The following GTF2H1 variants were observed in gnomAD, a reference collection of about 807,000 sequenced individuals.
The protein encoded by GTF2H1 is BTF2 p62.
Under a neutral mutation model 71.2 loss-of-function variants are expected in GTF2H1, and 16 were observed. The ratio of observed to expected loss-of-function variants is 0.22; its 90% CI spans 0.15 to 0.34. The LOEUF is 0.34. Ranked by LOEUF, GTF2H1 falls within the 10% of genes least tolerant of loss-of-function variation. GTF2H1 has a pLI of 1.00. For missense variants in GTF2H1, 498 were observed against 648.2 expected (o/e 0.77, Z 2.52); for synonymous variants, 215 against 219.0 (o/e 0.98, Z 0.16).
At chr11:18,336,029 C>T (rs1197213528) in intron 3 of GTF2H1, 83 bp downstream of exon 3, 1 of 945,588 alleles carries the variant, frequency 1.1e-6, no homozygotes, top group East Asian at 2.8e-5. Context: ...TTAGCTATCC[C>T]CACGTTTTTT....
rs1049685470 is a variant in GTF2H1 at position 18,343,914 on chromosome 11, A to G, written c.837+2307A>G. 3.9e-5 allele frequency among the ~76,000 whole-genome samples: 6 copies of G among 152,162 alleles called. No homozygotes were observed. In the South Asian group the frequency reaches 6.2e-4, roughly 16 times the overall value. ...AGTGGCACAATCATGGCTCACTGCAATCTTGACCTCTTGGGCTCAAGCAAT... is the reference window on the plus strand; with the variant it reads ...AGTGGCACAATCATGGCTCACTGCAGTCTTGACCTCTTGGGCTCAAGCAAT... On this transcript the variant is annotated intron_variant, in intron 7 of 14. Coordinates refer to ENST00000265963, the MANE Select transcript of GTF2H1 (RefSeq NM_005316.4).
Position 18,341,320 on chromosome 11 carries a change from C to G in GTF2H1, c.667C>G (p.Arg223Gly). Residue 223 changes from arginine (R) to glycine (G), a missense_variant, in exon 6 of 15, where the codon CGT (arginine) becomes GGT (glycine). Physicochemically the swap from Arg to Gly is moderately radical, Grantham distance 125 (BLOSUM62 -2). This residue lies in a region of GTF2H1 where 216 missense variants were observed against 306.2 expected (regional missense o/e 0.71). Transcript: ENST00000265963. ...HNMTEKEFWT[R>G]FFQSHYFHRD... ...CATGACAGAGAAGGAATTCTGGACA[C>G]GTTTTTTCCAGTCCCATTATTTTCA... 1 of 1,613,632 alleles carries G rather than the reference C, an allele frequency of 6.2e-7. No homozygotes were observed. Among genetic ancestry groups the G allele is most frequent in the East Asian group, 2.2e-5 (1 of 44,850 alleles).
chr11:18,357,452 C>T (rs1235983621), intron 11 of GTF2H1, among the ~76,000 whole-genome samples: 1 of 152,054 alleles, frequency 6.6e-6, no homozygotes, highest in African/African-American at 2.4e-5. Context: ...GGAGTACACA[C>T]CTGTAGTCTG....
intron 1 of GTF2H1, among the ~76,000 whole-genome samples, chr11:18,323,154 C>T (rs1012816722): frequency 6.6e-6 from 1 of 152,192 alleles, no homozygotes; most frequent in African/African-American, 2.4e-5. Flanking sequence ...AAAACCTTAA[C>T]ACGTGCCAGT....
chr11:18,337,037 C>T (rs772901030), intron 3 of GTF2H1, among the ~76,000 whole-genome samples: 2 of 152,160 alleles, frequency 1.3e-5, no homozygotes, highest in African/African-American at 4.8e-5. Context: ...AGGTGTGAAC[C>T]GCCACACCTG....
At chr11:18,342,926 T>C (rs902040102) in intron 7 of GTF2H1, among the ~76,000 whole-genome samples, 4 of 152,244 alleles carry the variant, frequency 2.6e-5, no homozygotes, top group Middle Eastern at 3.4e-3. Context: ...TTGTTTTGTT[T>C]TGTTCTGTTT....
rs75644482 is a variant in GTF2H1, at chr11:18,345,796, G to GTCTTTTTTTTTTTTTTT, written c.838-1791_838-1790insCTTTTTTTTTTTTTTTT. On this transcript the variant is annotated intron_variant, in intron 7 of 14. Transcript: ENST00000265963. ...GAGCCACCACACCCAGCACATATGA[G>GTCTTTTTTTTTTTTTTT]TTTTTTTTTTTTTGAGACGGAGTCT... Among the ~76,000 whole-genome samples, 2 of 125,218 alleles carry GTCTTTTTTTTTTTTTTT rather than the reference G, an allele frequency of 1.6e-5. 1 individual carries two copies. 82.1% of individuals were successfully genotyped at this position (125,218 alleles called of 152,430 possible).
Position 18,326,922 on chromosome 11 carries a change from G to C in GTF2H1, c.-16+4182G>C, listed in dbSNP as rs57223828. 7.0e-3 allele frequency among the ~76,000 whole-genome samples: 1,068 copies of C among 152,054 alleles called. 14 individuals carry two copies. Among genetic ancestry groups the C allele is most frequent in the African/African-American group, 0.024 (1,010 of 41,460 alleles). On this transcript the variant is annotated intron_variant, in intron 1 of 14. Coordinates refer to ENST00000265963, the MANE Select transcript of GTF2H1 (RefSeq NM_005316.4). Reference sequence around the variant, plus strand: ...GCAGTCCAGTTTCATATTCTACAGAGTGGGCTTTTTAAAATATGTTCTCTA... The same window carrying C: ...GCAGTCCAGTTTCATATTCTACAGACTGGGCTTTTTAAAATATGTTCTCTA...
rs183002376 is a variant in GTF2H1, at chr11:18,324,515, C to T, written c.-16+1775C>T. 2.1e-3 allele frequency among the ~76,000 whole-genome samples: 324 copies of T among 152,338 alleles called. 1 individual carries two copies. Among genetic ancestry groups the T allele is most frequent in the Middle Eastern group, 0.014 (4 of 294 alleles). On this transcript the variant is annotated intron_variant, in intron 1 of 14. Transcript: ENST00000265963. ...TGCCCTCAAGGCTTGTAACTTCTCCCTGCTGGTACCATGTGTCCTGCCCTC... is the reference window on the plus strand; with the variant it reads ...TGCCCTCAAGGCTTGTAACTTCTCCTTGCTGGTACCATGTGTCCTGCCCTC...
At chr11:18,342,355 A>G (rs1865180966) in intron 7 of GTF2H1, among the ~76,000 whole-genome samples, 1 of 133,610 alleles carries the variant, frequency 7.5e-6, no homozygotes, top group African/African-American at 2.8e-5. Context: ...TCTGCCTCCC[A>G]AGTTAAAGCC....
In GTF2H1 at chr11:18,338,105, A is replaced by G; in HGVS notation, c.348-4A>G. The G allele has an allele frequency of 6.3e-7, 1 of 1,598,532 alleles. No homozygotes were observed. The highest frequency in any genetic ancestry group is 8.6e-7 in the Non-Finnish European group (1 of 1,165,808). The stretch of plus-strand genomic sequence containing the variant: ...AGTTATATTCAGTATATTCTGCTTT[A>G]CAGAATGCTGCAAGAAGATCCTGTT... On this transcript the variant is annotated splice_polypyrimidine_tract_variant and splice_region_variant and intron_variant, in intron 3 of 14. Coordinates refer to ENST00000265963, the MANE Select transcript of GTF2H1 (RefSeq NM_005316.4).
At chr11:18,358,084 G>A (rs1159808072) in intron 12 of GTF2H1, 42 bp downstream of exon 12, 1 of 1,316,530 alleles carries the variant, frequency 7.6e-7, no homozygotes, top group South Asian at 1.2e-5. Context: ...GCCTAAATCA[G>A]CTTTAAAAAG....
At chr11:18,346,698 G>T (rs1217093155) in intron 7 of GTF2H1, among the ~76,000 whole-genome samples, 13 of 144,760 alleles carry the variant, frequency 9.0e-5, no homozygotes, top group Non-Finnish European at 1.2e-4. Context: ...TCCATAGTCA[G>T]TGTTTTTCTC....
At chr11:18,333,268 A>T (rs746839980) in intron 2 of GTF2H1, 40 bp downstream of exon 2, 1 of 1,397,482 alleles carries the variant, frequency 7.2e-7, no homozygotes, top group Non-Finnish European at 9.9e-7. Context: ...TTTGTATGTC[A>T]TAGTTGCTAG....
intron 1 of GTF2H1, among the ~76,000 whole-genome samples, chr11:18,324,675 C>T (rs1227374583): frequency 6.6e-6 from 1 of 152,138 alleles, no homozygotes; most frequent in African/African-American, 2.4e-5. Flanking sequence ...TCTTTGTGCC[C>T]TTCCTTTCTC....
At chr11:18,359,767 G>T (rs976327705) in intron 13 of GTF2H1, among the ~76,000 whole-genome samples, 5 of 151,938 alleles carry the variant, frequency 3.3e-5, no homozygotes, top group African/African-American at 9.7e-5. Context: ...CTGGAGTGCA[G>T]TGGAGTGATC....
chr11:18,349,387 A>G (rs948541967), intron 9 of GTF2H1, among the ~76,000 whole-genome samples: 1 of 152,210 alleles, frequency 6.6e-6, no homozygotes, highest in Non-Finnish European at 1.5e-5. Context: ...TGAACAAGTT[A>G]TCAGAAATTT....
Position 18,366,496 on chromosome 11 carries a change from T to C in GTF2H1, c.*627T>C, listed in dbSNP as rs999568976. On this transcript the variant is annotated 3_prime_UTR_variant, in exon 15 of 15. Coordinates refer to ENST00000265963, the MANE Select transcript of GTF2H1 (RefSeq NM_005316.4). Reference sequence around the variant, plus strand: ...AGGAAACAGTTGTCAGAAGACATCATTGGTTCTGTGTTTCCTACGGAAATA... The same window carrying C: ...AGGAAACAGTTGTCAGAAGACATCACTGGTTCTGTGTTTCCTACGGAAATA... The C allele has an allele frequency of 1.6e-4, 25 of 152,790 alleles. No individual in the cohort carries two copies. Among genetic ancestry groups the C allele is most frequent in the African/African-American group, 5.8e-4 (24 of 41,588 alleles). The allele number at this position is 152,790 out of a possible 1,614,324, so 9.5% of individuals were successfully genotyped here.
intron 13 of GTF2H1, 48 bp from the exon 14 acceptor site, chr11:18,360,567 C>T: frequency 2.2e-6 from 2 of 909,630 alleles, no homozygotes; most frequent in South Asian, 1.6e-5. Flanking sequence ...CTGTTGGTCT[C>T]TACAGCTTGA....
Sources: gnomAD v4.1 joint callset for allele counts (sites outside exome capture counted in the v4.1 genomes callset) on GRCh38, gnomAD v4.1.1 for gene constraint, gnomAD v4.1.1 regional missense constraint, MANE v1.5 for transcripts, NCBI Gene and HGNC (gene_info 2026-07-23, HGNC 2026-07-21) for gene names.